The following GPC5 variants were observed in gnomAD, a reference collection of about 807,000 sequenced individuals.
GPC5 encodes glypican-5.
In GPC5, 47 loss-of-function variants were observed where a neutral mutation model predicts 53.9. The observed-to-expected ratio is 0.87, with a 90% confidence interval of 0.69 to 1.11. The LOEUF is 1.11. Ranked by LOEUF, GPC5 falls within the 50% of genes most tolerant of loss-of-function variation. GPC5 has a pLI of 0.00. For synonymous variants in GPC5, 286 were observed against 263.3 expected, an observed-to-expected ratio of 1.09 and a Z score of -0.84; for missense variants, 748 against 713.1, an observed-to-expected ratio of 1.05 and a Z score of -0.56.
chr13:91,820,218 C>A (rs892511020), intron 5 of GPC5, among the ~76,000 whole-genome samples: 1 of 151,998 alleles, frequency 6.6e-6, no homozygotes, highest in Non-Finnish European at 1.5e-5. Flanking sequence ...CTGTGATGCA[C>A]TAATTGTCAA....
At chr13:91,571,248 A>G (rs916768104) in intron 2 of GPC5, among the ~76,000 whole-genome samples, 4 of 152,152 alleles carry the variant, frequency 2.6e-5, no homozygotes, top group Admixed American at 6.6e-5. Flanking sequence ...TTTGGAGATA[A>G]ACATTTCTGA....
At chr13:91,610,422 C>G (rs556323743) in intron 2 of GPC5, among the ~76,000 whole-genome samples, 34 of 152,248 alleles carry the variant, frequency 2.2e-4, no homozygotes, top group African/African-American at 7.7e-4. Flanking sequence ...ATGTCAGGTT[C>G]ATTTTGTTCT....
chr13:92,577,509 T>C (rs1350702399), intron 7 of GPC5, among the ~76,000 whole-genome samples: 5 of 151,908 alleles, frequency 3.3e-5, no homozygotes, highest in South Asian at 2.1e-4. Flanking sequence ...TAAATACCTT[T>C]CTCAAGGTCA....
chr13:91,890,184 G>T (rs568406910), intron 5 of GPC5, among the ~76,000 whole-genome samples: 7 of 152,132 alleles, frequency 4.6e-5, no homozygotes, highest in Admixed American at 2.6e-4. Flanking sequence ...GTTCTTTTGC[G>T]TAAGGTTGCA....
chr13:92,304,986 G>A (rs998021437), intron 7 of GPC5, among the ~76,000 whole-genome samples: 3 of 152,114 alleles, frequency 2.0e-5, no homozygotes, highest in Admixed American at 6.6e-5. Flanking sequence ...GATCGGGTGC[G>A]TTCAGGGTGG....
intron 7 of GPC5, among the ~76,000 whole-genome samples, chr13:92,336,614 A>G (rs2043325150): frequency 6.6e-6 from 1 of 152,176 alleles, no homozygotes; most frequent in Non-Finnish European, 1.5e-5. Flanking sequence ...ATAGTTACAT[A>G]TTACACATTT....
chr13:92,385,794 C>T (rs9561030), intron 7 of GPC5, among the ~76,000 whole-genome samples: 5 of 99,442 alleles, frequency 5.0e-5, no homozygotes, highest in East Asian at 3.1e-4. Context: ...TATATATATA[C>T]ATATATACGT....
At chr13:91,614,747 A>T (rs2033649698) in intron 2 of GPC5, among the ~76,000 whole-genome samples, 1 of 152,210 alleles carries the variant, frequency 6.6e-6, no homozygotes, top group African/African-American at 2.4e-5. Context: ...TTCAGGGACC[A>T]GTAGAAGAGG....
At chr13:92,437,616 T>C (rs1193396242) in intron 7 of GPC5, among the ~76,000 whole-genome samples, 1 of 152,178 alleles carries the variant, frequency 6.6e-6, no homozygotes, top group African/African-American at 2.4e-5. Flanking sequence ...AAGTATGCTA[T>C]ATTATTTTTC....
At chr13:92,546,556 T>C (rs1256473051) in intron 7 of GPC5, among the ~76,000 whole-genome samples, 1 of 152,102 alleles carries the variant, frequency 6.6e-6, no homozygotes, top group East Asian at 1.9e-4. Context: ...TGCTCATGGG[T>C]AGGAAGAATC....
intron 7 of GPC5, among the ~76,000 whole-genome samples, chr13:92,187,065 T>C (rs367761728): frequency 2.6e-5 from 4 of 151,842 alleles, no homozygotes; most frequent in African/African-American, 9.7e-5. Flanking sequence ...TGAGCTGAGA[T>C]TGCGCCATTG....
At chr13:92,449,967 T>C (rs981325189) in intron 7 of GPC5, among the ~76,000 whole-genome samples, 1 of 152,144 alleles carries the variant, frequency 6.6e-6, no homozygotes, top group African/African-American at 2.4e-5. Context: ...CTTAAGTATA[T>C]TTTTGTTATT....
chr13:92,467,380 TAA>T (rs1878738512), intron 7 of GPC5, among the ~76,000 whole-genome samples: 1 of 152,152 alleles, frequency 6.6e-6, no homozygotes, highest in Non-Finnish European at 1.5e-5. Context: ...TACATTAATA[TAA>T]GTTTATGCTT....
chr13:91,904,265 C>T (rs2039530969), intron 5 of GPC5, among the ~76,000 whole-genome samples: 1 of 150,024 alleles, frequency 6.7e-6, no homozygotes. Context: ...GCATTAATCT[C>T]CTGGGCTCCC....
intron 2 of GPC5, among the ~76,000 whole-genome samples, chr13:91,655,802 A>C (rs2034831303): frequency 6.6e-6 from 1 of 152,134 alleles, no homozygotes; most frequent in African/African-American, 2.4e-5. Flanking sequence ...AAAATTATGG[A>C]GTCAATTGCC....
rs528920856 is a variant in GPC5 at position 92,485,625 on chromosome 13, G to A, written c.1561+340636G>A. On this transcript the variant is annotated intron_variant, in intron 7 of 7. Transcript: ENST00000377067. The stretch of plus-strand genomic sequence containing the variant: ...GGAATAATCAAGAAATTTCTAGATG[G>A]TCATTCCACTTTGGATCATTACAGC... Among the ~76,000 whole-genome samples the A allele has an allele frequency of 3.9e-4, 59 of 152,298 alleles. 1 individual carries two copies. The highest frequency in any genetic ancestry group is 1.3e-3 in the African/African-American group (53 of 41,564).
intron 7 of GPC5, among the ~76,000 whole-genome samples, chr13:92,545,795 A>T (rs1882090088): frequency 6.6e-6 from 1 of 151,798 alleles, no homozygotes; most frequent in Non-Finnish European, 1.5e-5. Context: ...AATTTGTTTG[A>T]GTTCATTGTA....
chr13:92,557,183 G>A (rs1384289025), intron 7 of GPC5, among the ~76,000 whole-genome samples: 2 of 151,334 alleles, frequency 1.3e-5, no homozygotes, highest in African/African-American at 4.8e-5. Context: ...TGTCTTTTTT[G>A]TCATGTAAGT....
chr13:92,384,006 A>G (rs1248948389), intron 7 of GPC5, among the ~76,000 whole-genome samples: 1 of 152,224 alleles, frequency 6.6e-6, no homozygotes, highest in Non-Finnish European at 1.5e-5. Context: ...TTTGTTCAGC[A>G]GTTTCTCCAG....
Sources: allele counts gnomAD v4.1 joint callset (sites outside exome capture counted in the v4.1 genomes callset), GRCh38; gene constraint gnomAD v4.1.1; transcripts MANE v1.5; gene names NCBI Gene and HGNC (gene_info 2026-07-23, HGNC 2026-07-21).